Variants in UROC1 observed in about 807,000 individuals in gnomAD.
The protein encoded by UROC1 is urocanate hydratase 1.
In UROC1, 79 loss-of-function variants were observed where a neutral mutation model predicts 89.5. The observed-to-expected ratio is 0.88, with a 90% CI of 0.74 to 1.06. The LOEUF (loss-of-function observed/expected upper bound fraction) is 1.06. Ranked by LOEUF, UROC1 falls within the 50% of genes least tolerant of loss-of-function variation. The pLI is 0.00. For missense variants in UROC1, 885 were observed against 907.8 expected (o/e 0.97, Z 0.32); for synonymous variants, 361 against 354.8 (o/e 1.02, Z -0.20).
At chr3:126,511,123 A>G (rs753899928) in intron 1 of UROC1, among the ~76,000 whole-genome samples, 1 of 152,134 alleles carries the variant, frequency 6.6e-6, no homozygotes, top group Non-Finnish European at 1.5e-5. Flanking sequence ...GCTTGTGGCT[A>G]TGGTGTAGAA....
At chr3:126,516,697 A>G (rs1255759236) in intron 1 of UROC1, among the ~76,000 whole-genome samples, 1 of 8,202 alleles carries the variant, frequency 1.2e-4, no homozygotes, top group Admixed American at 1.8e-3. Context: ...CCACCCCCAC[A>G]CCCACCAACC....
At position 126,500,111 on chromosome 3, in the gene UROC1, T is replaced by G. The variant is rs1401864888; in HGVS notation, c.1189A>C (p.Lys397Gln). Residue 397 changes from lysine to glutamine, a missense_variant, in exon 12 of 20, where the codon AAG (lysine) becomes CAG (glutamine). Lys to Gln is a moderately conservative substitution (Grantham distance 53). Transcript: ENST00000290868. ...VSAINRLAEE[K>Q]FFFWDYGNAF... ...TTGCCGTAGTCCCAGAAGAAGAACTTCTCCTCGGCCAACCTGTTGATGGCT... is the reference window on the plus strand; with the variant it reads ...TTGCCGTAGTCCCAGAAGAAGAACTGCTCCTCGGCCAACCTGTTGATGGCT... 1 of 1,613,616 alleles carries G rather than the reference T, an allele frequency of 6.2e-7. No homozygotes were observed. The highest frequency in any genetic ancestry group is 8.5e-7 in the Non-Finnish European group (1 of 1,179,938).
At chr3:126,497,931 T>G in intron 14 of UROC1, 120 bp downstream of exon 14, 1 of 1,570,664 alleles carries the variant, frequency 6.4e-7, no homozygotes, top group Non-Finnish European at 8.7e-7. Context: ...CACAAAGTCA[T>G]CTGCGCCCAG....
In UROC1 at chr3:126,504,000, C is replaced by A; in HGVS notation, c.897G>T (p.Arg299Ser). 6.2e-7 allele frequency: 1 copy of A among 1,614,088 alleles called. No homozygotes were observed. Among genetic ancestry groups the A allele is most frequent in the Non-Finnish European group, 8.5e-7 (1 of 1,180,024 alleles). ...VTDSLDRCIQ[R>S]LREARKKKEV... ...AGTTGAGCTTGGAGCTGTACCTGAG[C>A]CTCTGGATGCAGCGGTCCAAGCTGT... Residue 299 changes from arginine to serine, a missense_variant, in exon 9 of 20, where the codon AGG becomes AGT. By Grantham distance (110) the Arg-to-Ser change is moderately radical (BLOSUM62 -1). Coordinates refer to ENST00000290868, the MANE Select transcript of UROC1 (RefSeq NM_144639.3).
At chr3:126,482,597 G>A in intron 19 of UROC1, 112 bp from the exon 20 acceptor site, 1 of 1,498,920 alleles carries the variant, frequency 6.7e-7, no homozygotes, top group African/African-American at 1.4e-5. Flanking sequence ...GGCTGTCCGT[G>A]GGGACAGCTG....
chr3:126,490,191 T>C (rs1441320169), intron 16 of UROC1, among the ~76,000 whole-genome samples: 1 of 152,218 alleles, frequency 6.6e-6, no homozygotes, highest in African/African-American at 2.4e-5. Flanking sequence ...GCATTCATGC[T>C]GAGTTTGATT....
chr3:126,494,124 T>C (rs1263132585), intron 15 of UROC1, among the ~76,000 whole-genome samples: 1 of 152,186 alleles, frequency 6.6e-6, no homozygotes, highest in Non-Finnish European at 1.5e-5. Flanking sequence ...TGACATAGGA[T>C]TGCCCACTTT....
chr3:126,488,149 C>T, intron 18 of UROC1, 49 bp downstream of exon 18: 4 of 1,608,508 alleles, frequency 2.5e-6, no homozygotes, highest in Non-Finnish European at 3.4e-6. Flanking sequence ...CAAAGGAACC[C>T]CCAAAACTTC....
chr3:126,491,630 C>G (rs1465082930), intron 16 of UROC1, among the ~76,000 whole-genome samples: 1 of 152,212 alleles, frequency 6.6e-6, no homozygotes, highest in African/African-American at 2.4e-5. Context: ...TTACACCTGA[C>G]CAGTAACATT....
chr3:126,511,339 G>C lies in UROC1; in HGVS notation c.127-545C>G, dbSNP rs372785797. Among the ~76,000 whole-genome samples, 80 of 152,254 alleles carry C rather than the reference G, an allele frequency of 5.3e-4. 1 individual carries two copies. The South Asian group carries it at 0.016, about 31-fold the overall frequency. ...CCATGCAACAAGACAACCTTCCCAC[G>C]TGGGTTCTAATACATCCATCCTCTT... On this transcript the variant is annotated intron_variant, in intron 1 of 19. Coordinates refer to ENST00000290868, the MANE Select transcript of UROC1 (RefSeq NM_144639.3).
Position 126,507,765 on chromosome 3 carries a change from C to A in UROC1, c.579G>T (p.Lys193Asn), listed in dbSNP as rs1560126231. Residue 193 changes from lysine to asparagine, a missense_variant, in exon 6 of 20, where the codon AAG becomes AAT. Coordinates refer to ENST00000290868, the MANE Select transcript of UROC1 (RefSeq NM_144639.3). ...ACATTGTAACCCCCAAGGCAAAGAG[C>A]TTCTCATACTCCGTCCGGGAGGAGT... Reference protein sequence around the residue: ...PNYSSRTEYEKLFALGVTMYG... With the variant: ...PNYSSRTEYENLFALGVTMYG... 5.0e-6 allele frequency: 8 copies of A among 1,614,168 alleles called. No homozygotes were observed. The highest frequency in any genetic ancestry group is 6.8e-6 in the Non-Finnish European group (8 of 1,180,044).
chr3:126,514,175 A>G (rs1936251584), intron 1 of UROC1, among the ~76,000 whole-genome samples: 1 of 152,188 alleles, frequency 6.6e-6, no homozygotes, highest in African/African-American at 2.4e-5. Flanking sequence ...TTCTGCAAAC[A>G]TCTGCTGCTG....
rs929234228 is a variant in UROC1, at chr3:126,490,837, A to T, written c.1609-1462T>A. Among the ~76,000 whole-genome samples, 9 of 152,284 alleles carry T rather than the reference A, an allele frequency of 5.9e-5. No homozygotes were observed. In the South Asian group the frequency reaches 8.3e-4, roughly 14 times the overall value. On this transcript the variant is annotated intron_variant, in intron 16 of 19. Coordinates refer to ENST00000290868, the MANE Select transcript of UROC1 (RefSeq NM_144639.3). ...GCACCTTTCAGTCAGGAGAGGGAGC[A>T]CGCAGGTCAGTATGCAGTTTGCAGT...
chr3:126,486,742 G>C (rs1035683387), intron 18 of UROC1, among the ~76,000 whole-genome samples: 5 of 152,228 alleles, frequency 3.3e-5, no homozygotes, highest in Admixed American at 3.3e-4. Context: ...TGCGGGGGGT[G>C]GGGCGTCCCC....
At chr3:126,516,926 G>A (rs951390695) in intron 1 of UROC1, among the ~76,000 whole-genome samples, 1 of 151,684 alleles carries the variant, frequency 6.6e-6, no homozygotes, top group Non-Finnish European at 1.5e-5. Context: ...ATCTTGAGTA[G>A]TTTCCAGTAA....
rs755580217 is a variant in UROC1 at position 126,503,986 on chromosome 3, G to A, written c.902+9C>T. 5.0e-6 allele frequency: 8 copies of A among 1,614,004 alleles called. No homozygotes were observed. The South Asian group carries it at 7.7e-5, about 16-fold the overall frequency. On this transcript the variant is annotated intron_variant, in intron 9 of 19. Coordinates refer to ENST00000290868, the MANE Select transcript of UROC1 (RefSeq NM_144639.3). ...TGTCAGGTGTCCGGAGTTGAGCTTG[G>A]AGCTGTACCTGAGCCTCTGGATGCA... is the stretch of plus-strand genomic sequence containing the variant.
At chr3:126,497,243 C>T (rs1935798672) in intron 14 of UROC1, among the ~76,000 whole-genome samples, 1 of 152,222 alleles carries the variant, frequency 6.6e-6, no homozygotes, top group Admixed American at 6.5e-5. Context: ...ACAGCAGAGG[C>T]TGGTGAACCA....
At chr3:126,489,753 C>T (rs554893659) in intron 16 of UROC1, among the ~76,000 whole-genome samples, 4 of 152,340 alleles carry the variant, frequency 2.6e-5, no homozygotes, top group East Asian at 1.9e-4. Context: ...GCCGGCGCTC[C>T]TCGTCTTACG....
At chr3:126,515,270 T>G (rs751200975) in intron 1 of UROC1, among the ~76,000 whole-genome samples, 46 of 151,838 alleles carry the variant, frequency 3.0e-4, no homozygotes, top group Non-Finnish European at 5.7e-4. Context: ...AGGGAGGTGA[T>G]CAAAGGGAGG....
Sources: gnomAD v4.1 joint callset for allele counts (sites outside exome capture counted in the v4.1 genomes callset) on GRCh38, gnomAD v4.1.1 for gene constraint, MANE v1.5 for transcripts, NCBI Gene and HGNC (gene_info 2026-07-23, HGNC 2026-07-21) for gene names.